RAC1: variants seen among roughly 807,000 people sequenced by gnomAD.
RAC1 encodes ras-related C3 botulinum toxin substrate 1.
RAC1 carries 2 observed loss-of-function variants against 25.2 expected under a neutral mutation model. That is an observed-to-expected ratio of 0.08 (90% confidence interval 0.03 to 0.25). The LOEUF (loss-of-function observed/expected upper bound fraction) is 0.25. Ranked by LOEUF, RAC1 falls within the 10% of genes least tolerant of loss-of-function variation. The probability of loss-of-function intolerance (pLI) is 1.00; values close to 1 mark genes in which losing one functional copy is unlikely to be tolerated. For synonymous variants in RAC1, 88 were observed against 94.0 expected (o/e 0.94, Z 0.37); for missense variants, 50 against 235.7 (o/e 0.21, Z 5.16).
intron 3 of RAC1, among the ~76,000 whole-genome samples, chr7:6,399,146 C>T (rs183704273): frequency 1.6e-4 from 24 of 152,256 alleles, no homozygotes; most frequent in Non-Finnish European, 1.5e-4. Context: ...CTAACCCCAC[C>T]GTGCTTGAGA....
chr7:6,394,204 C>G (rs1410001354), intron 3 of RAC1, among the ~76,000 whole-genome samples: 1 of 152,180 alleles, frequency 6.6e-6, no homozygotes, highest in South Asian at 2.1e-4. Flanking sequence ...TTGGCATCCT[C>G]TCTATTGGGC....
intron 3 of RAC1, among the ~76,000 whole-genome samples, chr7:6,395,706 C>T (rs1258791310): frequency 6.6e-6 from 1 of 152,056 alleles, no homozygotes; most frequent in African/African-American, 2.4e-5. Context: ...ACACCTCCAC[C>T]AGGGCGAAGC....
intron 1 of RAC1, among the ~76,000 whole-genome samples, chr7:6,386,607 A>T (rs374213557): frequency 5.3e-5 from 8 of 151,454 alleles, no homozygotes; most frequent in African/African-American, 1.7e-4. Flanking sequence ...CATGGCGAAA[A>T]CCCATCTCTA....
intron 1 of RAC1, among the ~76,000 whole-genome samples, chr7:6,376,789 T>G (rs1194096150): frequency 3.3e-5 from 5 of 150,860 alleles, no homozygotes; most frequent in South Asian, 2.1e-4. Context: ...GTTTTTTTTT[T>G]TTTTTTTTTT....
intron 2 of RAC1, among the ~76,000 whole-genome samples, chr7:6,389,343 C>T (rs1298614293): frequency 2.0e-5 from 3 of 151,760 alleles, no homozygotes; most frequent in African/African-American, 4.8e-5. Flanking sequence ...GTTATCTAAC[C>T]GTTTTCATTT....
intron 1 of RAC1, among the ~76,000 whole-genome samples, chr7:6,380,044 A>T (rs554650063): frequency 6.6e-6 from 1 of 152,242 alleles, no homozygotes; most frequent in Non-Finnish European, 1.5e-5. Flanking sequence ...GTCTAGCCCA[A>T]TGTCTGACTT....
At chr7:6,380,494 A>G (rs1044328189) in intron 1 of RAC1, among the ~76,000 whole-genome samples, 9 of 152,178 alleles carry the variant, frequency 5.9e-5, no homozygotes, top group Non-Finnish European at 1.2e-4. Context: ...TTCACCCTTT[A>G]TAACTTTCTG....
intron 4 of RAC1, among the ~76,000 whole-genome samples, chr7:6,400,718 C>T (rs1783374842): frequency 6.6e-6 from 1 of 151,952 alleles, no homozygotes; most frequent in Admixed American, 6.6e-5. Flanking sequence ...TCTTGTTGCC[C>T]AGGCTGGAGT....
intron 1 of RAC1, among the ~76,000 whole-genome samples, chr7:6,382,209 G>A (rs1782785942): frequency 6.6e-6 from 1 of 152,076 alleles, no homozygotes; most frequent in Non-Finnish European, 1.5e-5. Context: ...TGGTCAGTCT[G>A]GTCTCGAACT....
chr7:6,392,137 C>T, intron 3 of RAC1, 96 bp downstream of exon 3: 3 of 1,577,702 alleles, frequency 1.9e-6, no homozygotes, highest in East Asian at 4.5e-5. Context: ...CTTATATTGC[C>T]ATCATTTGGG....
At chr7:6,401,801 G>A (rs1480789596) in intron 4 of RAC1, 67 bp from the exon 5 acceptor site, 1 of 1,527,830 alleles carries the variant, frequency 6.5e-7, no homozygotes, top group Non-Finnish European at 8.9e-7. Flanking sequence ...CGCCGGCTGG[G>A]TGTGATTTAG....
intron 3 of RAC1, among the ~76,000 whole-genome samples, chr7:6,399,136 C>G (rs1783331897): frequency 6.6e-6 from 1 of 152,168 alleles, no homozygotes; most frequent in Non-Finnish European, 1.5e-5. Context: ...TGCTGCTGAG[C>G]TAACCCCACC....
intron 1 of RAC1, among the ~76,000 whole-genome samples, chr7:6,384,831 C>T (rs1410372425): frequency 6.6e-6 from 1 of 152,080 alleles, no homozygotes; most frequent in Non-Finnish European, 1.5e-5. Flanking sequence ...GAGACAGGGT[C>T]TCACTTTGTC....
intron 4 of RAC1, among the ~76,000 whole-genome samples, chr7:6,400,638 A>C (rs1783369985): frequency 6.6e-6 from 1 of 151,482 alleles, no homozygotes; most frequent in Admixed American, 6.6e-5. Context: ...TCAGCAGTTT[A>C]TTTTATTTAT....
intron 3 of RAC1, among the ~76,000 whole-genome samples, chr7:6,394,046 G>C (rs567180325): frequency 2.0e-5 from 3 of 152,244 alleles, no homozygotes; most frequent in African/African-American, 7.2e-5. Context: ...CATGGAATGT[G>C]GTCCCTGATT....
chr7:6,384,612 G>T (rs914536975), intron 1 of RAC1, among the ~76,000 whole-genome samples: 20 of 151,954 alleles, frequency 1.3e-4, no homozygotes, highest in Non-Finnish European at 2.5e-4. Flanking sequence ...TGAGTAGCTG[G>T]GACTACAGGC....
At chr7:6,388,334 G>A (rs1782982423) in intron 2 of RAC1, among the ~76,000 whole-genome samples, 1 of 138,308 alleles carries the variant, frequency 7.2e-6, no homozygotes, top group Admixed American at 7.4e-5. Flanking sequence ...TGTTGTTGTT[G>A]TTGTTGTTTT....
intron 2 of RAC1, among the ~76,000 whole-genome samples, chr7:6,387,693 C>G (rs554022729): frequency 1.9e-4 from 29 of 151,772 alleles, no homozygotes; most frequent in Admixed American, 3.3e-4. Context: ...CCACTGCACT[C>G]CAGCCTGGGC....
At chr7:6,387,190 C>A (rs758739657) in intron 1 of RAC1, 22 bp from the exon 2 acceptor site, 2 of 1,498,558 alleles carry the variant, frequency 1.3e-6, no homozygotes, top group Non-Finnish European at 1.8e-6. Flanking sequence ...GACTAAGCAA[C>A]CTTTTTTCTC....
Sources: allele counts gnomAD v4.1 joint callset (sites outside exome capture counted in the v4.1 genomes callset), GRCh38; gene constraint gnomAD v4.1.1; transcripts MANE v1.5; gene names NCBI Gene and HGNC (gene_info 2026-07-23, HGNC 2026-07-21).